RANBP2: variants seen among roughly 807,000 people sequenced by gnomAD.
The protein encoded by RANBP2 is E3 SUMO-protein ligase RanBP2.
Under a neutral mutation model 303.6 loss-of-function variants are expected in RANBP2, and 57 were observed. The observed-to-expected ratio is 0.19, with a 90% CI of 0.15 to 0.23. The LOEUF (loss-of-function observed/expected upper bound fraction) is 0.23, where lower values mean the gene tolerates loss of function less well. Ranked by LOEUF, RANBP2 falls within the 10% of genes least tolerant of loss-of-function variation. The pLI is 1.00. For missense variants in RANBP2, 3,138 were observed against 3,780.8 expected (o/e 0.83, Z 4.46); for synonymous variants, 1,167 against 1,301.5 (o/e 0.90, Z 2.23).
the RANBP2 span, among the ~76,000 whole-genome samples, chr2:108,890,242 T>C: frequency 0.044 from 314 of 7,080 alleles, no homozygotes; most frequent in African/African-American, 0.051. Context: ...CTTTTTTTTT[T>C]TTTTTTTTTT....
At chr2:109,170,549 T>C in the RANBP2 span, among the ~76,000 whole-genome samples, 1 of 152,060 alleles carries the variant, frequency 6.6e-6, no homozygotes, top group African/African-American at 2.4e-5. Context: ...TTTCACTATG[T>C]TGGCCAGGAT....
the RANBP2 span, chr2:109,618,445 T>A: frequency 6.0e-6 from 1 of 167,108 alleles, no homozygotes; most frequent in Non-Finnish European, 1.5e-5. Context: ...ATATGTCATT[T>A]ACCATGGTTT....
chr2:109,629,006 C>A, the RANBP2 span, among the ~76,000 whole-genome samples: 2 of 151,614 alleles, frequency 1.3e-5, no homozygotes, highest in Non-Finnish European at 2.9e-5. Context: ...GAGTTTGAGA[C>A]CAGCTGACCA....
the RANBP2 span, among the ~76,000 whole-genome samples, chr2:109,340,665 ATTGTTT>A: frequency 1.3e-5 from 2 of 152,138 alleles, no homozygotes; most frequent in Non-Finnish European, 2.9e-5. Flanking sequence ...GTCAATGATC[ATTGTTT>A]TTATAGCTCC....
the RANBP2 span, among the ~76,000 whole-genome samples, chr2:109,234,422 C>T: frequency 6.6e-6 from 1 of 152,184 alleles, no homozygotes; most frequent in East Asian, 1.9e-4. Flanking sequence ...TTTTTGACCA[C>T]GAATGTCTCA....
At chr2:108,783,260 G>A (rs990238051) in intron 28 of RANBP2, among the ~76,000 whole-genome samples, 9 of 146,934 alleles carry the variant, frequency 6.1e-5, no homozygotes, top group African/African-American at 2.0e-4. Flanking sequence ...GCATCCAGGA[G>A]GCCAAGGCTG....
At chr2:108,849,316 T>C in the RANBP2 span, among the ~76,000 whole-genome samples, 3 of 152,176 alleles carry the variant, frequency 2.0e-5, no homozygotes, top group Non-Finnish European at 4.4e-5. Context: ...CTCCAAATTT[T>C]TGAAATATGG....
At chr2:108,997,856 A>C in the RANBP2 span, among the ~76,000 whole-genome samples, 1 of 152,148 alleles carries the variant, frequency 6.6e-6, no homozygotes, top group East Asian at 1.9e-4. Context: ...GCGCCACTGC[A>C]CTCCAGCCTG....
At chr2:108,743,219 C>T (rs1456895876) in intron 7 of RANBP2, among the ~76,000 whole-genome samples, 5 of 152,190 alleles carry the variant, frequency 3.3e-5, no homozygotes, top group Admixed American at 2.6e-4. Flanking sequence ...TGGGCTCAAG[C>T]TTCCCAGAGT....
chr2:109,079,152 C>T, the RANBP2 span, among the ~76,000 whole-genome samples: 4 of 151,670 alleles, frequency 2.6e-5, no homozygotes, highest in African/African-American at 9.7e-5. Context: ...CAAGGCCAAC[C>T]CCTCCTCCTC....
At chr2:109,253,734 G>A in the RANBP2 span, among the ~76,000 whole-genome samples, 1 of 152,108 alleles carries the variant, frequency 6.6e-6, no homozygotes, top group African/African-American at 2.4e-5. Flanking sequence ...GGTTATTAAA[G>A]CACCAGGCCA....
chr2:109,432,741 C>G, the RANBP2 span: 5 of 1,520,114 alleles, frequency 3.3e-6, no homozygotes, highest in Middle Eastern at 1.9e-4. Context: ...GCTGTTGTTA[C>G]TGCTGGAGGC....
the RANBP2 span, among the ~76,000 whole-genome samples, chr2:109,366,880 G>T: frequency 6.6e-6 from 1 of 152,162 alleles, no homozygotes; most frequent in South Asian, 2.1e-4. Flanking sequence ...TAAACAAAAA[G>T]AAACTTATTA....
At chr2:108,900,228 C>G in the RANBP2 span, among the ~76,000 whole-genome samples, 1 of 152,100 alleles carries the variant, frequency 6.6e-6, no homozygotes, top group African/African-American at 2.4e-5. Flanking sequence ...GACTTAAGCC[C>G]TAACAATGAC....
At chr2:109,527,701 T>C in the RANBP2 span, among the ~76,000 whole-genome samples, 1 of 152,192 alleles carries the variant, frequency 6.6e-6, no homozygotes, top group Non-Finnish European at 1.5e-5. Flanking sequence ...TGTATGAATT[T>C]TGCAACTGTT....
At chr2:109,449,339 C>A in the RANBP2 span, 3 of 1,605,658 alleles carry the variant, frequency 1.9e-6, no homozygotes, top group Non-Finnish European at 2.6e-6. Flanking sequence ...GGCCGGCCAT[C>A]CCCCTCACAT....
the RANBP2 span, among the ~76,000 whole-genome samples, chr2:109,220,656 A>C: frequency 6.6e-6 from 1 of 152,258 alleles, no homozygotes; most frequent in Admixed American, 6.5e-5. Flanking sequence ...GCCAGTAAGC[A>C]CATGAAAAGA....
chr2:109,298,427 G>A, the RANBP2 span, among the ~76,000 whole-genome samples: 2 of 152,152 alleles, frequency 1.3e-5, no homozygotes, highest in Admixed American at 1.3e-4. Flanking sequence ...ATGGTCTGTG[G>A]GTCATTGAAG....
chr2:109,436,768 G>A, the RANBP2 span: 51 of 1,413,680 alleles, frequency 3.6e-5, no homozygotes, highest in African/African-American at 4.0e-4. Context: ...TTAGGACCTC[G>A]TCCCCAGATC....
Sources: allele counts gnomAD v4.1 joint callset (sites outside exome capture counted in the v4.1 genomes callset), GRCh38; gene constraint gnomAD v4.1.1; transcripts MANE v1.5; gene names NCBI Gene and HGNC (gene_info 2026-07-23, HGNC 2026-07-21).